TAOK1: variants seen among roughly 807,000 people sequenced by gnomAD.
TAOK1 encodes the protein TAO kinase 1, also known as serine/threonine-protein kinase TAO1.
A neutral mutation model predicts 138.3 loss-of-function variants in TAOK1; 21 were observed. The observed-to-expected ratio is 0.15, with a 90% confidence interval of 0.11 to 0.22. The LOEUF (loss-of-function observed/expected upper bound fraction) is 0.22, where lower values mean the gene tolerates loss of function less well. Ranked by LOEUF, TAOK1 falls within the 10% of genes least tolerant of loss-of-function variation. The pLI is 1.00. For missense variants in TAOK1, 651 were observed against 1,227.7 expected (o/e 0.53, Z 7.02); for synonymous variants, 361 against 398.4 (o/e 0.91, Z 1.12).
At position 29,549,815 on chromosome 17, in the gene TAOK1, G is replaced by A. The variant is rs930655725; in HGVS notation, c.*6793G>A. On this transcript the variant is annotated 3_prime_UTR_variant, in exon 20 of 20. Transcript: ENST00000261716. ...TTTTGGTTCCCATTCCAAATGTGCT[G>A]CTGTCCTTCTTTGCATTTCACAATA... 1 of 152,100 alleles carries A rather than the reference G, an allele frequency of 6.6e-6. No homozygotes were observed. The highest frequency in any genetic ancestry group is 1.5e-5 in the Non-Finnish European group (1 of 68,004). The allele number at this position is 152,100 out of a possible 1,614,324, so 9.4% of individuals were successfully genotyped here. A position where few individuals can be genotyped will look rare whatever the true frequency, so the allele number is the denominator to read the frequency against.
chr17:29,430,941 G>A (rs991009601), intron 1 of TAOK1, among the ~76,000 whole-genome samples: 18 of 152,172 alleles, frequency 1.2e-4, no homozygotes, highest in African/African-American at 4.3e-4. Context: ...ATCATCTGAA[G>A]TTTGGTGGTC....
At position 29,394,150 on chromosome 17, in the gene TAOK1, G is replaced by GTTTTTTTTTTTTTTTTTTTTT. The variant is rs58117433; in HGVS notation, c.-95+3139_-95+3159dup. On this transcript the variant is annotated intron_variant, in intron 1 of 19. Coordinates refer to ENST00000261716, the MANE Select transcript of TAOK1 (RefSeq NM_020791.4). The stretch of plus-strand genomic sequence containing the variant: ...TATGATTTATTTTAATAATTTGCCA[G>GTTTTTTTTTTTTTTTTTTTTT]TTTTTTTTTTTTTTTTTTTTTTTTT... Among the ~76,000 whole-genome samples the GTTTTTTTTTTTTTTTTTTTTT allele has an allele frequency of 6.2e-5, 3 of 48,246 alleles. 1 individual carries two copies. The highest frequency in any genetic ancestry group is 7.2e-5 in the Non-Finnish European group (2 of 27,590). The allele number at this position is 48,246 out of a possible 152,430, so 31.7% of individuals were successfully genotyped here.
At chr17:29,392,283 G>A (rs1463256049) in intron 1 of TAOK1, among the ~76,000 whole-genome samples, 1 of 152,190 alleles carries the variant, frequency 6.6e-6, no homozygotes, top group Non-Finnish European at 1.5e-5. Flanking sequence ...TTCTCCCTAA[G>A]CTGTGAATTT....
At chr17:29,525,945 C>T (rs1325748179) in intron 17 of TAOK1, among the ~76,000 whole-genome samples, 13 of 152,028 alleles carry the variant, frequency 8.6e-5, no homozygotes. Flanking sequence ...TGCAGTGAGC[C>T]AAGGTCGTGC....
At chr17:29,531,214 GC>G (rs954796044) in intron 18 of TAOK1, among the ~76,000 whole-genome samples, 5 of 151,022 alleles carry the variant, frequency 3.3e-5, no homozygotes, top group African/African-American at 1.2e-4. Context: ...TGATCCGCCC[GC>G]CTCGGCCTCC....
At chr17:29,440,665 T>G (rs1006129865) in intron 1 of TAOK1, among the ~76,000 whole-genome samples, 2 of 152,058 alleles carry the variant, frequency 1.3e-5, no homozygotes, top group African/African-American at 4.8e-5. Context: ...AGCCTCTGCC[T>G]CCTGGGTTCA....
chr17:29,540,453 C>T (rs1252514900), intron 19 of TAOK1, among the ~76,000 whole-genome samples: 6 of 152,208 alleles, frequency 3.9e-5, no homozygotes, highest in Admixed American at 3.9e-4. Context: ...CAACCTTCGC[C>T]TCCCAAGTTC....
chr17:29,446,288 G>A (rs1567720532), intron 1 of TAOK1, among the ~76,000 whole-genome samples: 1 of 151,474 alleles, frequency 6.6e-6, no homozygotes, highest in Non-Finnish European at 1.5e-5. Flanking sequence ...ATTCTATTTA[G>A]TATTTCCTTC....
chr17:29,542,938 T>G lies in TAOK1; in HGVS notation c.2922T>G (p.Ser974=). Residue 974 remains serine (S), a synonymous_variant, in exon 20 of 20, where the codon TCT becomes TCG. Coordinates refer to ENST00000261716, the MANE Select transcript of TAOK1 (RefSeq NM_020791.4). ...NSPQALRRTA[S]GGRTEQGMSR... The stretch of plus-strand genomic sequence containing the variant: ...CCCAGGCTCTGAGGCGGACAGCTTC[T>G]GGGGGACGGACGGAGCAGGGCATGA... The G allele has an allele frequency of 6.2e-7, 1 of 1,613,632 alleles. No individual in the cohort carries two copies. Among genetic ancestry groups the G allele is most frequent in the Non-Finnish European group, 8.5e-7 (1 of 1,179,928 alleles).
intron 12 of TAOK1, among the ~76,000 whole-genome samples, chr17:29,502,243 A>G (rs1353847371): frequency 6.6e-6 from 1 of 152,204 alleles, no homozygotes; most frequent in Non-Finnish European, 1.5e-5. Flanking sequence ...AGACCAGCCT[A>G]GTCAACATAG....
intron 8 of TAOK1, among the ~76,000 whole-genome samples, chr17:29,486,329 T>C (rs1198923440): frequency 2.0e-5 from 3 of 151,952 alleles, no homozygotes; most frequent in Non-Finnish European, 4.4e-5. Context: ...TATAAAAATT[T>C]GAGATAAAAA....
intron 1 of TAOK1, among the ~76,000 whole-genome samples, chr17:29,406,989 A>T (rs1905009084): frequency 6.6e-6 from 1 of 152,204 alleles, no homozygotes; most frequent in Non-Finnish European, 1.5e-5. Context: ...AAAGAACAAG[A>T]TAGAGAACAT....
intron 3 of TAOK1, among the ~76,000 whole-genome samples, chr17:29,468,135 A>ATTTT (rs761962930): frequency 0.013 from 999 of 76,054 alleles, 164 homozygotes; most frequent in African/African-American, 0.051. Flanking sequence ...CCTGCTTTCA[A>ATTTT]TTTTTTTTTT....
chr17:29,411,088 G>GTTTTTTT (rs71138814), intron 1 of TAOK1, among the ~76,000 whole-genome samples: 3 of 94,088 alleles, frequency 3.2e-5, no homozygotes, highest in Admixed American at 1.4e-4. Flanking sequence ...TCTTTTTACT[G>GTTTTTTT]TTTTTTTTTT....
chr17:29,532,843 T>A (rs1473787003), intron 18 of TAOK1, among the ~76,000 whole-genome samples: 7 of 152,018 alleles, frequency 4.6e-5, no homozygotes, highest in African/African-American at 1.7e-4. Flanking sequence ...CATGGCCCGT[T>A]CTCAATGAGC....
intron 1 of TAOK1, among the ~76,000 whole-genome samples, chr17:29,440,149 T>C (rs760638738): frequency 2.6e-5 from 4 of 152,176 alleles, no homozygotes; most frequent in Non-Finnish European, 4.4e-5. Flanking sequence ...CACTTGAGAA[T>C]AGTCACAACT....
At chr17:29,494,843 A>G (rs1273906444) in intron 10 of TAOK1, among the ~76,000 whole-genome samples, 1 of 151,766 alleles carries the variant, frequency 6.6e-6, no homozygotes, top group Admixed American at 6.6e-5. Context: ...AAAAAAAAAA[A>G]AAAAAGAATT....
chr17:29,498,444 G>T lies in TAOK1; in HGVS notation c.1126G>T (p.Asp376Tyr). ...TGTTAACAGTCTTCCAGATGTCTCA[G>T]ATGACAAGAGTGAGCTAGACATGAT... The part of the protein sequence containing the change: ...SSVNSLPDVS[D>Y]DKSELDMMEG... The change falls in exon 12 of 20, where the codon GAT becomes TAT. Residue 376 changes from aspartate (D) to tyrosine (Y), a missense_variant. Physicochemically the swap from Asp to Tyr is radical, Grantham distance 160. Around this residue, in one of 8 missense-constraint regions of TAOK1, gnomAD observed 104 missense variants for 151.7 expected, o/e 0.69. Transcript: ENST00000261716. 6.2e-7 allele frequency: 1 copy of T among 1,614,170 alleles called. No homozygotes were observed. The highest frequency in any genetic ancestry group is 8.5e-7 in the Non-Finnish European group (1 of 1,180,026).
intron 17 of TAOK1, among the ~76,000 whole-genome samples, chr17:29,529,023 G>A (rs1380290166): frequency 7.0e-6 from 1 of 143,810 alleles, no homozygotes; most frequent in African/African-American, 2.6e-5. Flanking sequence ...TCAGCCTAGA[G>A]TCCAATGATG....
Sources: gnomAD v4.1 joint callset for allele counts (sites outside exome capture counted in the v4.1 genomes callset) on GRCh38, gnomAD v4.1.1 for gene constraint, gnomAD v4.1.1 regional missense constraint, MANE v1.5 for transcripts, NCBI Gene and HGNC (gene_info 2026-07-23, HGNC 2026-07-21) for gene names.